EPYC: variants seen among roughly 807,000 people sequenced by gnomAD.
EPYC encodes the protein epiphycan, also known as dermatan sulfate proteoglycan 3.
A neutral mutation model predicts 30.1 loss-of-function variants in EPYC; 28 were observed. That is an observed-to-expected ratio of 0.93 (90% CI 0.69 to 1.28). The LOEUF (loss-of-function observed/expected upper bound fraction) is 1.28, where lower values mean the gene tolerates loss of function less well. Among genes scored for constraint, EPYC ranks in the 50% most tolerant of loss-of-function variants. EPYC has a pLI of 0.00. For missense variants in EPYC, 382 were observed against 383.5 expected (o/e 1.00, Z 0.03); for synonymous variants, 144 against 141.4 (o/e 1.02, Z -0.13).
chr12:90,971,800 T>C lies in EPYC; in HGVS notation c.702A>G (p.Lys234=), dbSNP rs1877055575. The C allele has an allele frequency of 1.3e-6, 2 of 1,573,332 alleles. No homozygotes were observed. Among genetic ancestry groups the C allele is most frequent in the Non-Finnish European group, 1.7e-6 (2 of 1,161,842 alleles). ...GRKGIKQEAF[K]DMYDLHHLYL... ...TCTGCATATCAAACTTAAAACTTAC[T>C]TTAAATGCTTCTTGCTTTATCCCTT... The change falls in exon 5 of 7, where the codon AAA becomes AAG. Residue 234 remains lysine (K), a splice_region_variant and synonymous_variant. Coordinates refer to ENST00000261172, the MANE Select transcript of EPYC (RefSeq NM_004950.5).
At chr12:90,964,996 A>G (rs1019016703) in intron 6 of EPYC, among the ~76,000 whole-genome samples, 2 of 152,068 alleles carry the variant, frequency 1.3e-5, no homozygotes. Context: ...AGCATTTTCA[A>G]CACCCCCAAA....
chr12:90,967,838 G>GTTC, intron 6 of EPYC, among the ~76,000 whole-genome samples: 1 of 151,754 alleles, frequency 6.6e-6, no homozygotes, highest in East Asian at 2.0e-4. Context: ...AGGCATGATG[G>GTTC]TTCACACCTA....
chr12:90,969,643 A>C (rs760495816), intron 6 of EPYC, among the ~76,000 whole-genome samples: 1 of 151,934 alleles, frequency 6.6e-6, no homozygotes, highest in Admixed American at 6.6e-5. Flanking sequence ...TCACAGGCTG[A>C]AACTGATGTT....
intron 2 of EPYC, among the ~76,000 whole-genome samples, chr12:90,994,231 C>A (rs1411798645): frequency 6.6e-6 from 1 of 152,098 alleles, no homozygotes; most frequent in South Asian, 2.1e-4. Context: ...TAGCCCAAAT[C>A]GAATCCCTTC....
intron 2 of EPYC, among the ~76,000 whole-genome samples, chr12:90,979,901 A>G (rs1877284653): frequency 1.3e-5 from 2 of 152,212 alleles, no homozygotes; most frequent in Admixed American, 1.3e-4. Flanking sequence ...GCTAATACTT[A>G]CTTTAAATTA....
At chr12:91,002,605 A>C (rs768713900) in intron 1 of EPYC, 27 bp from the exon 2 acceptor site, 32 of 1,498,000 alleles carry the variant, frequency 2.1e-5, no homozygotes, top group African/African-American at 4.3e-5. Flanking sequence ...AAAATGCATA[A>C]ATATTTAATT....
intron 5 of EPYC, among the ~76,000 whole-genome samples, chr12:90,970,505 A>C (rs1458959246): frequency 6.6e-6 from 1 of 152,170 alleles, no homozygotes; most frequent in East Asian, 1.9e-4. Flanking sequence ...CATAGCAAGC[A>C]TTTCCTTTAT....
At chr12:91,001,804 T>G (rs1877828264) in intron 2 of EPYC, among the ~76,000 whole-genome samples, 1 of 152,140 alleles carries the variant, frequency 6.6e-6, no homozygotes, top group Non-Finnish European at 1.5e-5. Flanking sequence ...TGATTGACTT[T>G]TTCTAATTTT....
chr12:91,002,308 TA>T, intron 2 of EPYC, 92 bp downstream of exon 2: 8 of 1,087,054 alleles, frequency 7.4e-6, no homozygotes, highest in East Asian at 2.5e-5. Context: ...TTTCTACTTA[TA>T]AAAAAACCCA....
At chr12:90,970,388 C>T (rs1205986007) in intron 5 of EPYC, among the ~76,000 whole-genome samples, 1 of 152,310 alleles carries the variant, frequency 6.6e-6, no homozygotes. Flanking sequence ...GTTTCTCAGT[C>T]TCTAGGAAGA....
intron 2 of EPYC, 126 bp downstream of exon 2, chr12:91,002,275 T>A: frequency 2.9e-6 from 2 of 692,622 alleles, no homozygotes; most frequent in South Asian, 2.1e-5. Flanking sequence ...AAAAGGTTAA[T>A]ATGAAATTAT....
chr12:90,998,121 T>A (rs1372635202), intron 2 of EPYC, among the ~76,000 whole-genome samples: 2 of 152,086 alleles, frequency 1.3e-5, no homozygotes, highest in Admixed American at 6.6e-5. Context: ...AATTCATAAT[T>A]TTGTTGTGAG....
intron 2 of EPYC, among the ~76,000 whole-genome samples, chr12:90,995,138 G>C (rs1592631252): frequency 1.3e-5 from 2 of 152,162 alleles, no homozygotes; most frequent in Middle Eastern, 3.4e-3. Context: ...TTATCTAAAA[G>C]ACCGTAACCA....
chr12:90,964,428 A>T (rs983764619), intron 6 of EPYC, 102 bp from the exon 7 acceptor site: 1 of 803,166 alleles, frequency 1.2e-6, no homozygotes, highest in Non-Finnish European at 1.8e-6. Flanking sequence ...TTCTTTTGTT[A>T]TTTTCCTCAA....
At chr12:90,987,964 G>C (rs1455574939) in intron 2 of EPYC, among the ~76,000 whole-genome samples, 2 of 152,046 alleles carry the variant, frequency 1.3e-5, no homozygotes, top group Non-Finnish European at 2.9e-5. Flanking sequence ...GTCAGGGAAG[G>C]ATAATTTTTT....
At chr12:90,966,360 G>A (rs182972652) in intron 6 of EPYC, among the ~76,000 whole-genome samples, 2 of 152,024 alleles carry the variant, frequency 1.3e-5, no homozygotes, top group African/African-American at 4.8e-5. Flanking sequence ...AATGGTGTTG[G>A]ATTTTGTCAA....
chr12:90,971,416 T>A (rs74882074), intron 5 of EPYC, among the ~76,000 whole-genome samples: 3,828 of 152,136 alleles, frequency 0.025, 165 homozygotes, highest in African/African-American at 0.087. Context: ...ACACCTATAA[T>A]CCCAGTACTT....
intron 2 of EPYC, 87 bp downstream of exon 2, chr12:91,002,314 A>G: frequency 8.5e-7 from 1 of 1,169,820 alleles, no homozygotes; most frequent in South Asian, 1.6e-5. Flanking sequence ...CTTATAAAAA[A>G]ACCCAAACAT....
At chr12:90,999,359 A>C (rs565378087) in intron 2 of EPYC, among the ~76,000 whole-genome samples, 1 of 152,266 alleles carries the variant, frequency 6.6e-6, no homozygotes, top group South Asian at 2.1e-4. Context: ...ATAACTTATA[A>C]GAAACTGGTA....
Sources: allele counts gnomAD v4.1 joint callset (sites outside exome capture counted in the v4.1 genomes callset), GRCh38; gene constraint gnomAD v4.1.1; transcripts MANE v1.5; gene names NCBI Gene and HGNC (gene_info 2026-07-23, HGNC 2026-07-21).